The following NUFIP2 variants were observed in gnomAD, a reference collection of about 807,000 sequenced individuals.
NUFIP2 encodes the protein FMR1-interacting protein NUFIP2.
Under a neutral mutation model 56.9 loss-of-function variants are expected in NUFIP2, and 6 were observed. The observed-to-expected ratio is 0.11, with a 90% confidence interval of 0.06 to 0.21. NUFIP2 has a LOEUF of 0.21. NUFIP2 is among the 10% of genes least tolerant of loss of function. NUFIP2 has a pLI of 1.00. For missense variants in NUFIP2, 828 were observed against 826.8 expected, an observed-to-expected ratio of 1.00 and a Z score of -0.02; for synonymous variants, 321 against 298.2, an observed-to-expected ratio of 1.08 and a Z score of -0.79.
rs2068994712 is a variant in NUFIP2, at chr17:29,260,237, G to C, written c.*4302C>G. The C allele has an allele frequency of 6.6e-6, 1 of 151,966 alleles. No individual in the cohort carries two copies. Among genetic ancestry groups the C allele is most frequent in the Non-Finnish European group, 1.5e-5 (1 of 68,012 alleles). The allele number at this position is 151,966 out of a possible 1,614,324, so 9.4% of individuals were successfully genotyped here. A position where few individuals can be genotyped will look rare whatever the true frequency, so the allele number is the denominator to read the frequency against. ...CTACGTTTTCCTTTCAAATCCAACA[G>C]TTAAGTCATGGGTAGGGTTATTAAG... On this transcript the variant is annotated 3_prime_UTR_variant, in exon 4 of 4. Transcript: ENST00000225388.
chr17:29,281,134 G>A (rs1166190169), intron 2 of NUFIP2, among the ~76,000 whole-genome samples: 1 of 147,600 alleles, frequency 6.8e-6, no homozygotes, highest in South Asian at 2.2e-4. Context: ...GTCACTATAT[G>A]TATATATACA....
In NUFIP2 at chr17:29,287,158, A is replaced by G. The variant is rs770143152; in HGVS notation, c.836T>C (p.Ile279Thr). The part of the protein sequence containing the change: ...KGNRVDGSKP[I>T]WKYETGPGGT... ...TCCAGGCCCAGTTTCATACTTCCAA[A>G]TGGGCTTCGAACCATCTACTCGATT... Residue 279 changes from isoleucine (I) to threonine (T), a missense_variant, in exon 2 of 4, where the codon ATT (isoleucine) becomes ACT (threonine). Coordinates refer to ENST00000225388, the MANE Select transcript of NUFIP2 (RefSeq NM_020772.3). 1.2e-6 allele frequency: 2 copies of G among 1,614,136 alleles called. No homozygotes were observed. Among genetic ancestry groups the G allele is most frequent in the South Asian group, 1.1e-5 (1 of 91,078 alleles).
rs758048249 is a variant in NUFIP2, at chr17:29,287,358, A to G, written c.636T>C (p.Ser212=). 6.2e-7 allele frequency: 1 copy of G among 1,614,132 alleles called. No homozygotes were observed. The highest frequency in any genetic ancestry group is 8.5e-7 in the Non-Finnish European group (1 of 1,180,022). The stretch of plus-strand genomic sequence containing the variant: ...GAGTTGTATATCCGCTCTCAGATCC[A>G]CTACCATCATTATCTGCTCCTTTAC... ...YMGKGADNDG[S]GSESGYTTPK... The change falls in exon 2 of 4, where the codon AGT becomes AGC. Residue 212 remains serine (S), a synonymous_variant. Coordinates refer to ENST00000225388, the MANE Select transcript of NUFIP2 (RefSeq NM_020772.3).
Position 29,292,628 on chromosome 17 carries a change from T to G in NUFIP2, c.277+1155A>C, listed in dbSNP as rs1414450818. Among the ~76,000 whole-genome samples the G allele has an allele frequency of 3.5e-5, 5 of 141,444 alleles. 1 individual carries two copies. The East Asian group carries it at 1.1e-3, about 30-fold the overall frequency. 92.8% of individuals were successfully genotyped at this position (141,444 alleles called of 152,430 possible). A position where few individuals can be genotyped will look rare whatever the true frequency, so the allele number is the denominator to read the frequency against. ...GCCGCCCCCCCAGGCCTCCTGCCTC[T>G]AGGAGCGCCGCGGCCGCCGCCCGCG... On this transcript the variant is annotated intron_variant, in intron 1 of 3. Transcript: ENST00000225388.
chr17:29,289,657 A>T (rs2069199017), intron 1 of NUFIP2, among the ~76,000 whole-genome samples: 1 of 152,212 alleles, frequency 6.6e-6, no homozygotes, highest in Non-Finnish European at 1.5e-5. Context: ...AGGCAGCAGG[A>T]AGTGAGGAGT....
intron 1 of NUFIP2, among the ~76,000 whole-genome samples, chr17:29,288,336 G>GC (rs1462910030): frequency 2.0e-5 from 3 of 152,226 alleles, no homozygotes; most frequent in Non-Finnish European, 4.4e-5. Flanking sequence ...TGAGCCACAC[G>GC]CCCGGCCTAA....
Position 29,267,538 on chromosome 17 carries a change from G to C in NUFIP2, c.2003-8C>G, listed in dbSNP as rs1555547800. On this transcript the variant is annotated splice_region_variant and splice_polypyrimidine_tract_variant and intron_variant, in intron 2 of 3. Transcript: ENST00000225388. The stretch of plus-strand genomic sequence containing the variant: ...TCCAAATAGATTCCATTTCTGCAAA[G>C]AAAAAAAGAGAATTACATACTAAGT... The C allele has an allele frequency of 7.3e-6, 11 of 1,507,790 alleles. No homozygotes were observed. In the South Asian group the frequency reaches 1.3e-4, roughly 18 times the overall value. 93.4% of individuals were successfully genotyped at this position (1,507,790 alleles called of 1,614,324 possible).
chr17:29,287,811 C>A, intron 1 of NUFIP2, 95 bp from the exon 2 acceptor site: 4 of 1,180,928 alleles, frequency 3.4e-6, no homozygotes, highest in Non-Finnish European at 4.6e-6. Flanking sequence ...GTATGCTAGA[C>A]ACTATGCTAT....
At chr17:29,273,422 T>C (rs2069088084) in intron 2 of NUFIP2, among the ~76,000 whole-genome samples, 2 of 152,180 alleles carry the variant, frequency 1.3e-5, no homozygotes, top group South Asian at 2.1e-4. Context: ...TCCACCCACC[T>C]TGGCCTCCCA....
chr17:29,283,895 G>A (rs886592453), intron 2 of NUFIP2, among the ~76,000 whole-genome samples: 31 of 152,168 alleles, frequency 2.0e-4, no homozygotes, highest in Admixed American at 2.0e-3. Flanking sequence ...TTATCTGTGA[G>A]GATTCCTAAA....
rs1039211250 is a variant in NUFIP2, at chr17:29,264,177, T to C, written c.*362A>G. The C allele has an allele frequency of 6.5e-6, 1 of 152,748 alleles. No homozygotes were observed. Among genetic ancestry groups the C allele is most frequent in the African/African-American group, 2.4e-5 (1 of 41,438 alleles). The allele number at this position is 152,748 out of a possible 1,614,324, so 9.5% of individuals were successfully genotyped here. A position where few individuals can be genotyped will look rare whatever the true frequency, so the allele number is the denominator to read the frequency against. ...TCCAGTGGGTCATTTGTTGCCCAAGTTGATGACAGCAGGAACTTTAGAACC... is the reference window on the plus strand; with the variant it reads ...TCCAGTGGGTCATTTGTTGCCCAAGCTGATGACAGCAGGAACTTTAGAACC... On this transcript the variant is annotated 3_prime_UTR_variant, in exon 4 of 4. Coordinates refer to ENST00000225388, the MANE Select transcript of NUFIP2 (RefSeq NM_020772.3).
rs1327126057 is a variant in NUFIP2, at chr17:29,260,500, A to G, written c.*4039T>C. Reference sequence around the variant, plus strand: ...TGTAGGAATGACTCCGTCCTTATTTACAGTGGAATTAAAATTGAGTAAAGT... The same window carrying G: ...TGTAGGAATGACTCCGTCCTTATTTGCAGTGGAATTAAAATTGAGTAAAGT... On this transcript the variant is annotated 3_prime_UTR_variant, in exon 4 of 4. Coordinates refer to ENST00000225388, the MANE Select transcript of NUFIP2 (RefSeq NM_020772.3). 1 of 152,208 alleles carries G rather than the reference A, an allele frequency of 6.6e-6. No homozygotes were observed. The highest frequency in any genetic ancestry group is 1.5e-5 in the Non-Finnish European group (1 of 68,036). The allele number at this position is 152,208 out of a possible 1,614,324, so 9.4% of individuals were successfully genotyped here. A position where few individuals can be genotyped will look rare whatever the true frequency, so the allele number is the denominator to read the frequency against.
chr17:29,259,005 G>A lies in NUFIP2; in HGVS notation c.*5534C>T, dbSNP rs1196852578. The A allele has an allele frequency of 6.6e-6, 1 of 152,132 alleles. No individual in the cohort carries two copies. Among genetic ancestry groups the A allele is most frequent in the Non-Finnish European group, 1.5e-5 (1 of 68,022 alleles). 9.4% of individuals were successfully genotyped at this position (152,132 alleles called of 1,614,324 possible). On this transcript the variant is annotated 3_prime_UTR_variant, in exon 4 of 4. Coordinates refer to ENST00000225388, the MANE Select transcript of NUFIP2 (RefSeq NM_020772.3). ...TAATAGACAAACAGGGTAAACTAAA[G>A]GCATTCATTCATATTTACATATTAA... is the stretch of plus-strand genomic sequence containing the variant.
chr17:29,272,083 G>GGGGAGGGGAA (rs2069077041), intron 2 of NUFIP2, among the ~76,000 whole-genome samples: 2 of 121,732 alleles, frequency 1.6e-5, no homozygotes, highest in Non-Finnish European at 3.5e-5. Flanking sequence ...AGAGAGGGGA[G>GGGGAGGGGAA]GGGAGGGGAG....
At chr17:29,271,823 C>A (rs996819918) in intron 2 of NUFIP2, among the ~76,000 whole-genome samples, 1 of 151,968 alleles carries the variant, frequency 6.6e-6, no homozygotes, top group Non-Finnish European at 1.5e-5. Context: ...GTAATCCCAG[C>A]ACTTTGTGAG....
intron 2 of NUFIP2, among the ~76,000 whole-genome samples, chr17:29,280,979 C>T (rs912728005): frequency 1.9e-4 from 28 of 149,350 alleles, no homozygotes; most frequent in African/African-American, 6.6e-4. Flanking sequence ...AGTGAGGCTC[C>T]GTCTCCAAAA....
chr17:29,277,850 C>T (rs2069116657), intron 2 of NUFIP2, among the ~76,000 whole-genome samples: 1 of 151,972 alleles, frequency 6.6e-6, no homozygotes, highest in Admixed American at 6.6e-5. Context: ...TCAGTCTCTA[C>T]TAAAAATACA....
At chr17:29,290,296 G>A (rs1358254057) in intron 1 of NUFIP2, among the ~76,000 whole-genome samples, 1 of 152,012 alleles carries the variant, frequency 6.6e-6, no homozygotes, top group Non-Finnish European at 1.5e-5. Flanking sequence ...ATTTTTGGTG[G>A]CACAATTTTA....
At chr17:29,279,138 G>A (rs773227203) in intron 2 of NUFIP2, among the ~76,000 whole-genome samples, 3 of 152,172 alleles carry the variant, frequency 2.0e-5, no homozygotes, top group Non-Finnish European at 4.4e-5. Context: ...ATGAAATGCA[G>A]TAAACGTGAA....
Sources: gnomAD v4.1 joint callset for allele counts (sites outside exome capture counted in the v4.1 genomes callset) on GRCh38, gnomAD v4.1.1 for gene constraint, MANE v1.5 for transcripts, NCBI Gene and HGNC (gene_info 2026-07-23, HGNC 2026-07-21) for gene names.